Variants in TENM1 observed in about 807,000 individuals in gnomAD.
TENM1 encodes teneurin-1.
Under a neutral mutation model 174.8 loss-of-function variants are expected in TENM1, and 35 were observed. The observed-to-expected ratio is 0.20, with a 90% CI of 0.15 to 0.27. The LOEUF (loss-of-function observed/expected upper bound fraction) is 0.27, where lower values mean the gene tolerates loss of function less well. Ranked by LOEUF, TENM1 falls within the 10% of genes least tolerant of loss-of-function variation. The pLI is 1.00. For missense variants in TENM1, 1,633 were observed against 2,130.1 expected (o/e 0.77, Z 4.59); for synonymous variants, 781 against 798.7 (o/e 0.98, Z 0.37).
intron 23 of TENM1, among the ~76,000 whole-genome samples, chrX:124,426,784 G>C (rs994015195): frequency 8.9e-6 from 1 of 112,255 alleles, no homozygotes; most frequent in Non-Finnish European, 1.9e-5. Context: ...ATGTTCTACA[G>C]AGCCTTTCAG....
chrX:125,120,030 G>T, the TENM1 span, among the ~76,000 whole-genome samples: 1 of 110,530 alleles, frequency 9.0e-6, no homozygotes, highest in Non-Finnish European at 1.9e-5. Context: ...TAAATTGTGG[G>T]GTACCTTGAG....
the TENM1 span, among the ~76,000 whole-genome samples, chrX:125,181,733 C>T: frequency 9.0e-6 from 1 of 111,598 alleles, no homozygotes; most frequent in South Asian, 3.8e-4. Flanking sequence ...ACTGAATTCT[C>T]TCTGAAATTG....
chrX:125,179,258 G>T, the TENM1 span, among the ~76,000 whole-genome samples: 1 of 110,943 alleles, frequency 9.0e-6, no homozygotes, highest in Non-Finnish European at 1.9e-5. Context: ...CTGGGAGCAA[G>T]AGAAGCTAGT....
intron 3 of TENM1, among the ~76,000 whole-genome samples, chrX:124,792,565 A>T (rs757828043): frequency 8.9e-6 from 1 of 112,413 alleles, no homozygotes; most frequent in Admixed American, 9.4e-5. Context: ...ACATTGTTAC[A>T]TATCTTTTAT....
intron 5 of TENM1, among the ~76,000 whole-genome samples, chrX:124,693,280 T>G (rs2052572872): frequency 9.0e-6 from 1 of 111,312 alleles, no homozygotes; most frequent in Non-Finnish European, 1.9e-5. Context: ...CCTTCAATAC[T>G]TACAGTCAGG....
chrX:125,044,557 T>G, the TENM1 span, among the ~76,000 whole-genome samples: 3 of 110,598 alleles, frequency 2.7e-5, no homozygotes, highest in Non-Finnish European at 5.7e-5. Flanking sequence ...ATCACTGCAC[T>G]CCAGTCTGGG....
chrX:125,116,063 T>C, the TENM1 span, among the ~76,000 whole-genome samples: 1 of 111,182 alleles, frequency 9.0e-6, no homozygotes, highest in Non-Finnish European at 1.9e-5. Flanking sequence ...ACCAATGGAA[T>C]AGAACATAGG....
exon 18 of TENM1, chrX:124,520,746 C>T: frequency 4.2e-6 from 5 of 1,192,567 alleles, no homozygotes; most frequent in Non-Finnish European, 5.6e-6. Flanking sequence ...AACTCAGCCT[C>T]ACAAAGCTGG....
the TENM1 span, among the ~76,000 whole-genome samples, chrX:124,992,855 T>C: frequency 3.6e-5 from 4 of 111,950 alleles, no homozygotes; most frequent in African/African-American, 1.3e-4. Context: ...GTCTTCATTC[T>C]GAAGGCTGCC....
At chrX:124,451,868 A>C (rs2061040384) in intron 23 of TENM1, among the ~76,000 whole-genome samples, 1 of 112,069 alleles carries the variant, frequency 8.9e-6, no homozygotes. Flanking sequence ...TACAAAAATT[A>C]ATTCAAGATG....
At chrX:125,150,454 G>C in the TENM1 span, among the ~76,000 whole-genome samples, 1 of 111,715 alleles carries the variant, frequency 9.0e-6, no homozygotes, top group African/African-American at 3.3e-5. Context: ...AGCTGGCCTG[G>C]GTTAGAAGGC....
rs775490479 is a variant in TENM1, at chrX:124,392,358, A to C, written c.5392-10T>G. ...GGTTTCTGTTGTGGGCCTATGAGAA[A>C]GAGATATGAAATACATTTTAAGCAC... On this transcript the variant is annotated splice_polypyrimidine_tract_variant and intron_variant, in intron 27 of 31. Transcript: ENST00000422452. 29 of 1,165,391 alleles carry C rather than the reference A, an allele frequency of 2.5e-5. No homozygotes were observed. Among genetic ancestry groups the C allele is most frequent in the Non-Finnish European group, 3.4e-5 (29 of 857,857 alleles).
chrX:124,627,878 G>A (rs373222151), intron 11 of TENM1, among the ~76,000 whole-genome samples: 13 of 111,160 alleles, frequency 1.2e-4, no homozygotes, highest in Non-Finnish European at 1.9e-4. Context: ...TTGAGAAACC[G>A]AAAGCCTGAG....
the TENM1 span, among the ~76,000 whole-genome samples, chrX:124,988,086 C>T: frequency 1.8e-5 from 2 of 111,024 alleles, no homozygotes; most frequent in African/African-American, 3.3e-5. Flanking sequence ...TGTAGTAATT[C>T]GGGAAAGACA....
At chrX:124,427,968 A>T (rs1247558508) in intron 23 of TENM1, among the ~76,000 whole-genome samples, 3 of 111,321 alleles carry the variant, frequency 2.7e-5, no homozygotes, top group Non-Finnish European at 5.7e-5. Context: ...GGGAACAGAG[A>T]TTGAAGAGCA....
intron 1 of TENM1, among the ~76,000 whole-genome samples, chrX:124,901,521 C>A (rs749255541): frequency 9.0e-5 from 10 of 111,512 alleles, no homozygotes; most frequent in Non-Finnish European, 1.5e-4. Flanking sequence ...GTCACTCAGG[C>A]TGGAGTGCAG....
intron 13 of TENM1, 58 bp downstream of exon 16, chrX:124,563,691 A>T: frequency 2.1e-6 from 2 of 958,631 alleles, no homozygotes; most frequent in East Asian, 6.8e-5. Flanking sequence ...TCTTTCTTAC[A>T]TGCATATTTT....
intron 1 of TENM1, among the ~76,000 whole-genome samples, chrX:124,919,259 T>C (rs1371884531): frequency 8.9e-6 from 1 of 111,879 alleles, no homozygotes; most frequent in Non-Finnish European, 1.9e-5. Flanking sequence ...TCTTGGCAGA[T>C]TGTGATATCT....
At chrX:125,074,441 C>T in the TENM1 span, among the ~76,000 whole-genome samples, 10 of 110,047 alleles carry the variant, frequency 9.1e-5, no homozygotes, top group East Asian at 2.9e-3. Context: ...CTACCATCTA[C>T]AATCTTCCCC....
Sources: allele counts gnomAD v4.1 joint callset (sites outside exome capture counted in the v4.1 genomes callset), GRCh38; gene constraint gnomAD v4.1.1; transcripts MANE v1.5; gene names NCBI Gene and HGNC (gene_info 2026-07-23, HGNC 2026-07-21).